Variants in DMD observed in about 807,000 individuals in gnomAD.
The protein encoded by DMD is dystrophin.
Under a neutral mutation model 330.1 loss-of-function variants are expected in DMD, and 63 were observed. The ratio of observed to expected loss-of-function variants is 0.19; its 90% CI spans 0.16 to 0.24. The LOEUF (loss-of-function observed/expected upper bound fraction) is 0.24. DMD is among the 10% of genes least tolerant of loss of function. DMD has a pLI of 1.00. For missense variants in DMD, 3,344 were observed against 2,684.1 expected (o/e 1.25, Z -5.43); for synonymous variants, 1,223 against 959.8 (o/e 1.27, Z -5.07).
chrX:33,258,269 C>T (rs1276834001), intron 1 of DMD, among the ~76,000 whole-genome samples: 2 of 110,937 alleles, frequency 1.8e-5, no homozygotes, highest in African/African-American at 3.3e-5. Context: ...TTAAAAGATC[C>T]GCTATATTGT....
intron 55 of DMD, among the ~76,000 whole-genome samples, chrX:31,558,780 T>C (rs1468544434): frequency 9.0e-6 from 1 of 111,193 alleles, no homozygotes; most frequent in Non-Finnish European, 1.9e-5. Flanking sequence ...AATTCTTTTC[T>C]TCTTTTTTCC....
At chrX:31,459,257 A>C (rs924929287) in intron 59 of DMD, among the ~76,000 whole-genome samples, 3 of 112,003 alleles carry the variant, frequency 2.7e-5, no homozygotes, top group Non-Finnish European at 5.6e-5. Context: ...ATAAGACCTA[A>C]TAGGCTTTAG....
intron 54 of DMD, among the ~76,000 whole-genome samples, chrX:31,651,834 T>C (rs2080471849): frequency 8.9e-6 from 1 of 111,908 alleles, no homozygotes; most frequent in Admixed American, 9.5e-5. Context: ...GACTGAATTA[T>C]GACAACAGTT....
At chrX:32,949,490 G>C (rs2091087525) in intron 2 of DMD, among the ~76,000 whole-genome samples, 1 of 110,496 alleles carries the variant, frequency 9.1e-6, no homozygotes, top group African/African-American at 3.3e-5. Context: ...TTAAGAAATA[G>C]TAAACTACCC....
At chrX:31,638,655 A>G (rs2079552969) in intron 54 of DMD, among the ~76,000 whole-genome samples, 1 of 112,453 alleles carries the variant, frequency 8.9e-6, no homozygotes, top group Admixed American at 9.4e-5. Context: ...TCATTGTAAA[A>G]CATTATTTTA....
intron 1 of DMD, among the ~76,000 whole-genome samples, chrX:33,153,319 G>C (rs752956145): frequency 1.8e-5 from 2 of 112,639 alleles, no homozygotes; most frequent in African/African-American, 6.4e-5. Flanking sequence ...GCTGAGGCAG[G>C]AGAATCACTT....
rs182791599 is a variant in DMD at position 32,527,711 on chromosome X, G to A, written c.2169-9580C>T. ...AAAAATATTTTTAGGACTTTGAGATGCATTGACTACATGGCAATTATTATA... is the reference window on the plus strand; with the variant it reads ...AAAAATATTTTTAGGACTTTGAGATACATTGACTACATGGCAATTATTATA... On this transcript the variant is annotated intron_variant, in intron 17 of 78. Transcript: ENST00000357033. Among the ~76,000 whole-genome samples, 269 of 111,427 alleles carry A rather than the reference G, an allele frequency of 2.4e-3. 2 individuals carry two copies. The highest frequency in any genetic ancestry group is 8.1e-3 in the African/African-American group (249 of 30,671).
At chrX:31,410,943 T>TTTTC in intron 60 of DMD, among the ~76,000 whole-genome samples, 2 of 100,781 alleles carry the variant, frequency 2.0e-5, no homozygotes, top group Non-Finnish European at 4.0e-5. Context: ...TTTTTTTTTT[T>TTTTC]TCAGTAGAGA....
chrX:31,245,164 A>G (rs189213908), intron 63 of DMD, among the ~76,000 whole-genome samples: 1 of 112,107 alleles, frequency 8.9e-6, no homozygotes. Flanking sequence ...TTTTGCTAAG[A>G]TAACAAATTG....
At chrX:32,751,498 T>C (rs757725938) in intron 7 of DMD, among the ~76,000 whole-genome samples, 1 of 111,520 alleles carries the variant, frequency 9.0e-6, no homozygotes, top group Non-Finnish European at 1.9e-5. Flanking sequence ...AAAGCATTCG[T>C]GAGGTGACTT....
intron 60 of DMD, among the ~76,000 whole-genome samples, chrX:31,402,939 T>A: frequency 9.0e-6 from 1 of 111,347 alleles, no homozygotes; most frequent in Non-Finnish European, 1.9e-5. Flanking sequence ...ATAAAGATAA[T>A]ATAAATGAAC....
chrX:31,901,322 T>A (rs2094419032), intron 47 of DMD, among the ~76,000 whole-genome samples: 1 of 111,739 alleles, frequency 8.9e-6, no homozygotes, highest in Non-Finnish European at 1.9e-5. Flanking sequence ...TCAGGAGGAA[T>A]CCTACCATAA....
intron 38 of DMD, 102 bp downstream of exon 38, chrX:32,348,304 G>A (rs939922709): frequency 1.6e-5 from 13 of 827,212 alleles, no homozygotes; most frequent in Admixed American, 9.2e-5. Flanking sequence ...CATAAAATGT[G>A]TAATATGTGC....
At position 31,652,179 on chromosome X, in the gene DMD, C is replaced by A. The variant is rs58653333; in HGVS notation, c.8027+5811G>T. Among the ~76,000 whole-genome samples, 592 of 111,743 alleles carry A rather than the reference C, an allele frequency of 5.3e-3. 3 individuals carry two copies. Among genetic ancestry groups the A allele is most frequent in the African/African-American group, 0.018 (557 of 30,783 alleles). ...TTCCCCCCCAATTATACATATGGCC[C>A]ACATCCTCAGGTCTTTTAGAATTTG... On this transcript the variant is annotated intron_variant, in intron 54 of 78. Coordinates refer to ENST00000357033, the MANE Select transcript of DMD (RefSeq NM_004006.3).
intron 1 of DMD, among the ~76,000 whole-genome samples, chrX:33,113,766 T>C (rs2095359417): frequency 8.9e-6 from 1 of 111,901 alleles, no homozygotes; most frequent in African/African-American, 3.3e-5. Context: ...GGACTTTTTT[T>C]TTCCCAAAAG....
intron 67 of DMD, among the ~76,000 whole-genome samples, chrX:31,184,029 C>A (rs1482895576): frequency 9.1e-6 from 1 of 110,210 alleles, no homozygotes; most frequent in Non-Finnish European, 1.9e-5. Flanking sequence ...ATGCCTCAGC[C>A]TCCCAAGTAG....
At chrX:32,189,080 T>C (rs2096960151) in intron 44 of DMD, among the ~76,000 whole-genome samples, 1 of 111,137 alleles carries the variant, frequency 9.0e-6, no homozygotes, top group African/African-American at 3.3e-5. Context: ...CTATTATGTA[T>C]CTATTCATAA....
chrX:31,920,141 A>G (rs746973571), intron 47 of DMD, among the ~76,000 whole-genome samples: 20 of 112,470 alleles, frequency 1.8e-4, no homozygotes, highest in Non-Finnish European at 3.2e-4. Flanking sequence ...GTCAGCTGAC[A>G]TGAATATAGT....
At chrX:31,436,666 G>A (rs1012640897) in intron 60 of DMD, among the ~76,000 whole-genome samples, 3 of 111,948 alleles carry the variant, frequency 2.7e-5, no homozygotes, top group Non-Finnish European at 3.8e-5. Flanking sequence ...AGTACGCTTT[G>A]ACCTCAGTAT....
Sources: gnomAD v4.1 joint callset for allele counts (sites outside exome capture counted in the v4.1 genomes callset) on GRCh38, gnomAD v4.1.1 for gene constraint, MANE v1.5 for transcripts, NCBI Gene and HGNC (gene_info 2026-07-23, HGNC 2026-07-21) for gene names.